Variants in KIR3DL3 observed in about 807,000 individuals in gnomAD.
KIR3DL3 encodes killer cell immunoglobulin-like receptor 3DL3.
In KIR3DL3, 27 loss-of-function variants were observed where a neutral mutation model predicts 34.9. The observed-to-expected ratio is 0.77, with a 90% CI of 0.57 to 1.07. The LOEUF (loss-of-function observed/expected upper bound fraction) is 1.07. Ranked by LOEUF, KIR3DL3 falls within the 50% of genes least tolerant of loss-of-function variation. The pLI, the probability that KIR3DL3 is intolerant of heterozygous loss-of-function variation, is 0.00. For missense variants in KIR3DL3, 681 were observed against 528.5 expected (o/e 1.29, Z -2.83); for synonymous variants, 217 against 200.2 (o/e 1.08, Z -0.71).
At chr19:54,732,928 C>A (rs2068980219) in intron 5 of KIR3DL3, among the ~76,000 whole-genome samples, 1 of 151,992 alleles carries the variant, frequency 6.6e-6, no homozygotes, top group African/African-American at 2.4e-5. Flanking sequence ...TTAACAGTGA[C>A]CGACATGAAA....
intron 3 of KIR3DL3, 149 bp from the exon 4 acceptor site, chr19:54,727,462 C>A: frequency 3.9e-6 from 3 of 770,022 alleles, no homozygotes; most frequent in Non-Finnish European, 4.1e-6. Context: ...GAGGGACCTG[C>A]AACAGGGGTT....
In KIR3DL3 at chr19:54,726,285, C is replaced by T; in HGVS notation, c.303C>T (p.His101=). The change falls in exon 3 of 8, where the codon CAC becomes CAT. Residue 101 remains histidine (H), a synonymous_variant. Transcript: ENST00000291860. ...GTYRCCSSHP[H]SPTGWSAPSN... ...ACAGATGTTGCAGTTCACACCCACA[C>T]TCCCCCACTGGGTGGTCGGCACCCA... 1 of 1,613,972 alleles carries T rather than the reference C, an allele frequency of 6.2e-7. No homozygotes were observed. The highest frequency in any genetic ancestry group is 2.2e-5 in the East Asian group (1 of 44,876).
rs1331248128 is a variant in KIR3DL3, at chr19:54,727,662, C to T, written c.407C>T (p.Ser136Leu). ...LLAHPGPLVK[S>L]GETVILQCWS... ...GCCCACCCAGGTCCCCTGGTGAAAT[C>T]AGGAGAGACGGTCATCCTGCAATGT... Residue 136 changes from serine (S) to leucine (L), a missense_variant, in exon 4 of 8, where the codon TCA becomes TTA. Transcript: ENST00000291860. 1.1e-5 allele frequency: 17 copies of T among 1,611,198 alleles called. No individual in the cohort carries two copies. The African/African-American group carries it at 1.5e-4, about 14-fold the overall frequency.
intron 2 of KIR3DL3, among the ~76,000 whole-genome samples, chr19:54,725,720 G>A (rs1170907123): frequency 1.3e-5 from 2 of 152,130 alleles, no homozygotes; most frequent in African/African-American, 2.4e-5. Context: ...TGACATTCCA[G>A]ATCTTCTAAT....
chr19:54,735,110 G>A, intron 5 of KIR3DL3, 143 bp from the exon 6 acceptor site: 1 of 714,090 alleles, frequency 1.4e-6, no homozygotes, highest in Admixed American at 2.2e-5. Flanking sequence ...TGAGAAAGCA[G>A]GAGGAAGCTA....
Position 54,735,853 on chromosome 19 carries a change from A to T in KIR3DL3, c.1088A>T (p.Asn363Ile). The change falls in exon 7 of 8, where the codon AAC becomes ATC. Residue 363 changes from asparagine to isoleucine, a missense_variant. Transcript: ENST00000291860. ...GTAATGGACCAAGAGCCTGCAGGGA[A>T]CAGAACAGTGAACAGGGAGGTAGGT... ...AVVMDQEPAG[N>I]RTVNREDSDE... The T allele has an allele frequency of 3.1e-6, 5 of 1,607,158 alleles. No homozygotes were observed. Among genetic ancestry groups the T allele is most frequent in the Non-Finnish European group, 4.2e-6 (5 of 1,178,016 alleles).
rs78691806 is a variant in KIR3DL3, at chr19:54,735,272, C to T, written c.969C>T (p.His323=). 0.049 allele frequency: 74,588 copies of T among 1,512,104 alleles called. 8,065 individuals are homozygous for T. Among genetic ancestry groups the T allele is most frequent in the East Asian group, 0.4 (17,829 of 44,424 alleles). 93.7% of individuals were successfully genotyped at this position (1,512,104 alleles called of 1,614,324 possible). A position where few individuals can be genotyped will look rare whatever the true frequency, so the allele number is the denominator to read the frequency against. ...VSVTGNSRNL[H]VLIGTSVVII... The stretch of plus-strand genomic sequence containing the variant: ...CTCCAGGTAACTCCAGAAACCTGCA[C>T]GTTCTGATTGGGACCTCAGTGGTCA... The change falls in exon 6 of 8, where the codon CAC becomes CAT. Residue 323 remains histidine, a synonymous_variant. Coordinates refer to ENST00000291860, the MANE Select transcript of KIR3DL3 (RefSeq NM_153443.5).
Position 54,729,555 on chromosome 19 carries a change from G to A in KIR3DL3, c.718G>A (p.Val240Met). 2 of 1,607,282 alleles carry A rather than the reference G, an allele frequency of 1.2e-6. No homozygotes were observed. The highest frequency in any genetic ancestry group is 1.4e-5 in the African/African-American group (1 of 73,646). Residue 240 changes from valine (V) to methionine (M), a missense_variant, in exon 5 of 8, where the codon GTG (valine) becomes ATG (methionine). By Grantham distance (21) the Val-to-Met change is conservative. Coordinates refer to ENST00000291860, the MANE Select transcript of KIR3DL3 (RefSeq NM_153443.5). ...PGPTVQAGEN[V>M]TLSCSSRSLF... ...CCCCACGGTTCAGGCAGGAGAGAAT[G>A]TGACCTTGTCCTGCAGCTCCCGGAG...
rs1364821624 is a variant in KIR3DL3, at chr19:54,732,432, T to C, written c.949+2646T>C. ...CACTCGGCTAATTTTTTTGGTATAT[T>C]TTTTTAGTAGAAATGAGGTTTCACC... On this transcript the variant is annotated intron_variant, in intron 5 of 7. Coordinates refer to ENST00000291860, the MANE Select transcript of KIR3DL3 (RefSeq NM_153443.5). Among the ~76,000 whole-genome samples, 37 of 6,782 alleles carry C rather than the reference T, an allele frequency of 5.5e-3. 1 individual carries two copies. Among genetic ancestry groups the C allele is most frequent in the East Asian group, 0.17 (1 of 6 alleles). 4.4% of individuals were successfully genotyped at this position (6,782 alleles called of 152,430 possible).
rs755691224 is a variant in KIR3DL3 at position 54,735,990 on chromosome 19, C to T, written c.1127C>T (p.Pro376Leu). ...CTCCAGGACTCTGATGAACAAGACC[C>T]TCAGGAGGTGACATACGCACAGTTG... is the stretch of plus-strand genomic sequence containing the variant. Reference protein sequence around the residue: ...VNREDSDEQDPQEVTYAQLNH... With the variant: ...VNREDSDEQDLQEVTYAQLNH... The change falls in exon 8 of 8, where the codon CCT becomes CTT. Residue 376 changes from proline to leucine, a missense_variant. Physicochemically the swap from Pro to Leu is moderately conservative, Grantham distance 98. Transcript: ENST00000291860. 2 of 1,611,348 alleles carry T rather than the reference C, an allele frequency of 1.2e-6. No homozygotes were observed. The highest frequency in any genetic ancestry group is 3.4e-5 in the Admixed American group (2 of 59,464).
In KIR3DL3 at chr19:54,727,972, G is replaced by A. The variant is rs777944452; in HGVS notation, c.655+62G>A. 2.3e-4 allele frequency: 346 copies of A among 1,496,434 alleles called. No individual in the cohort carries two copies. In the Middle Eastern group the frequency reaches 2.6e-3, roughly 11 times the overall value. 92.7% of individuals were successfully genotyped at this position (1,496,434 alleles called of 1,614,324 possible). A position where few individuals can be genotyped will look rare whatever the true frequency, so the allele number is the denominator to read the frequency against. ...GAGATGGAGTGAATGATCTAGGACT[G>A]GAAGCCCCAGGTGGTCATGAGGAAG... is the stretch of plus-strand genomic sequence containing the variant. On this transcript the variant is annotated intron_variant, in intron 4 of 7. Coordinates refer to ENST00000291860, the MANE Select transcript of KIR3DL3 (RefSeq NM_153443.5).
chr19:54,724,522 CG>C lies in KIR3DL3; in HGVS notation c.27del (p.Cys10ValfsTer36). The part of the protein sequence containing the change: MSLMVVSM[A>X]CVGFFLLEGP... The stretch of plus-strand genomic sequence containing the variant: ...ATGTCGCTCATGGTCGTCAGCATGG[CG>C]TGTGTTGGTGAGTCCTGGAAGGGAA... On this transcript the variant is annotated frameshift_variant, in exon 1 of 8. Coordinates refer to ENST00000291860, the MANE Select transcript of KIR3DL3 (RefSeq NM_153443.5). LOFTEE classifies it high-confidence loss of function. 6.2e-7 allele frequency: 1 copy of C among 1,612,552 alleles called. No homozygotes were observed. The highest frequency in any genetic ancestry group is 1.1e-5 in the South Asian group (1 of 91,032).
chr19:54,736,015 G>A lies in KIR3DL3; in HGVS notation c.1152G>A (p.Leu384=). 2 of 1,613,622 alleles carry A rather than the reference G, an allele frequency of 1.2e-6. No individual in the cohort carries two copies. The highest frequency in any genetic ancestry group is 8.5e-7 in the Non-Finnish European group (1 of 1,179,970). Residue 384 remains leucine (L), a synonymous_variant, in exon 8 of 8, where the codon TTG becomes TTA. Transcript: ENST00000291860. ...CTCAGGAGGTGACATACGCACAGTT[G>A]AATCACTGCGTTTTCACACAGAGAA... is the stretch of plus-strand genomic sequence containing the variant. ...QDPQEVTYAQ[L]NHCVFTQRKI...
chr19:54,729,396 TAA>T, intron 4 of KIR3DL3, 95 bp from the exon 5 acceptor site: 1 of 1,231,694 alleles, frequency 8.1e-7, no homozygotes, highest in East Asian at 2.5e-5. Context: ...AAGAGAGCAT[TAA>T]GTCATAGAGC....
In KIR3DL3 at chr19:54,729,741, C is replaced by T. The variant is rs866875436; in HGVS notation, c.904C>T (p.His302Tyr). Reference sequence around the variant, plus strand: ...CTTCGGCTCTTTCCGTGCCCTGCCCCATGCGTGGTCAGACCCGAGTGACCC... The same window carrying T: ...CTTCGGCTCTTTCCGTGCCCTGCCCTATGCGTGGTCAGACCCGAGTGACCC... The part of the protein sequence containing the change: ...RCFGSFRALP[H>Y]AWSDPSDPLP... The change falls in exon 5 of 8, where the codon CAT becomes TAT. Residue 302 changes from histidine to tyrosine, a missense_variant. Coordinates refer to ENST00000291860, the MANE Select transcript of KIR3DL3 (RefSeq NM_153443.5). 6.3e-7 allele frequency: 1 copy of T among 1,585,596 alleles called. No individual in the cohort carries two copies. The highest frequency in any genetic ancestry group is 8.5e-7 in the Non-Finnish European group (1 of 1,169,942).
At chr19:54,726,916 T>G in intron 3 of KIR3DL3, among the ~76,000 whole-genome samples, 1 of 124,378 alleles carries the variant, frequency 8.0e-6, no homozygotes, top group Admixed American at 9.2e-5. Context: ...AAGAGGTCAT[T>G]GTATTCTCTC....
At chr19:54,727,564 G>C (rs776875086) in intron 3 of KIR3DL3, 47 bp from the exon 4 acceptor site, 482 of 1,568,092 alleles carry the variant, frequency 3.1e-4, no homozygotes, top group Non-Finnish European at 4.0e-4. Context: ...CCCATGAATG[G>C]GATGAGAAAG....
At position 54,735,369 on chromosome 19, in the gene KIR3DL3, G is replaced by C. The variant is rs746999263; in HGVS notation, c.1054+12G>C. 1 of 1,243,600 alleles carries C rather than the reference G, an allele frequency of 8.0e-7. No homozygotes were observed. The highest frequency in any genetic ancestry group is 1.2e-6 in the Non-Finnish European group (1 of 847,584). The allele number at this position is 1,243,600 out of a possible 1,614,324, so 77.0% of individuals were successfully genotyped here. On this transcript the variant is annotated intron_variant, in intron 6 of 7. Coordinates refer to ENST00000291860, the MANE Select transcript of KIR3DL3 (RefSeq NM_153443.5). The stretch of plus-strand genomic sequence containing the variant: ...TGCCAACAAAAAGAGTAAGTCTCAC[G>C]AAGCAGAAGCCAGAGAGCTCAGGGC...
intron 3 of KIR3DL3, among the ~76,000 whole-genome samples, chr19:54,726,663 T>C (rs1338011383): frequency 2.1e-3 from 306 of 146,628 alleles, no homozygotes; most frequent in African/African-American, 7.5e-3. Flanking sequence ...ACAAGGGTCC[T>C]CATGAGAGGA....
Sources: allele counts gnomAD v4.1 joint callset (sites outside exome capture counted in the v4.1 genomes callset), GRCh38; gene constraint gnomAD v4.1.1; transcripts MANE v1.5; gene names NCBI Gene and HGNC (gene_info 2026-07-23, HGNC 2026-07-21).